Variants in PAPOLA observed in about 807,000 individuals in gnomAD.
The protein encoded by PAPOLA is poly(A) polymerase alpha.
In PAPOLA, 15 loss-of-function variants were observed where a neutral mutation model predicts 100.6. That is an observed-to-expected ratio of 0.15 (90% CI 0.10 to 0.23). The LOEUF is 0.23. PAPOLA is among the 10% of genes least tolerant of loss of function. PAPOLA has a pLI of 1.00. For synonymous variants in PAPOLA, 293 were observed against 300.0 expected (o/e 0.98, Z 0.24); for missense variants, 533 against 884.2 (o/e 0.60, Z 5.04).
chr14:96,559,582 T>TAG (rs35903650), intron 19 of PAPOLA, among the ~76,000 whole-genome samples: 2 of 47,614 alleles, frequency 4.2e-5, no homozygotes, highest in Non-Finnish European at 8.7e-5. Context: ...TCTCTCTCTC[T>TAG]ATATATATAT....
intron 3 of PAPOLA, among the ~76,000 whole-genome samples, chr14:96,522,975 T>C (rs1253519920): frequency 6.6e-6 from 1 of 152,170 alleles, no homozygotes; most frequent in Middle Eastern, 3.2e-3. Context: ...TTAAAAGTTG[T>C]AGTCTTTTGG....
intron 20 of PAPOLA, among the ~76,000 whole-genome samples, chr14:96,561,303 C>T (rs1271274316): frequency 6.6e-6 from 1 of 151,902 alleles, no homozygotes; most frequent in African/African-American, 2.4e-5. Flanking sequence ...CTATTGAAGG[C>T]TTTTAACTTT....
chr14:96,507,523 C>T (rs940120205), intron 1 of PAPOLA, among the ~76,000 whole-genome samples: 5 of 152,030 alleles, frequency 3.3e-5, no homozygotes, highest in African/African-American at 1.2e-4. Flanking sequence ...GATCCGCCTG[C>T]CTCGGCCTCC....
At chr14:96,538,016 A>G (rs1899679436) in intron 12 of PAPOLA, 1 of 152,048 alleles carries the variant, frequency 6.6e-6, no homozygotes, top group African/African-American at 2.4e-5. Flanking sequence ...TAGCATAATC[A>G]TTAAATACTC....
At chr14:96,523,600 G>T (rs971136080) in intron 3 of PAPOLA, among the ~76,000 whole-genome samples, 1 of 152,128 alleles carries the variant, frequency 6.6e-6, no homozygotes, top group Non-Finnish European at 1.5e-5. Flanking sequence ...TGCCATTGAG[G>T]TTTTAAAATA....
chr14:96,536,520 G>T (rs551571818), intron 11 of PAPOLA, among the ~76,000 whole-genome samples: 4 of 152,162 alleles, frequency 2.6e-5, no homozygotes, highest in African/African-American at 9.6e-5. Flanking sequence ...AGAATCAGTT[G>T]TCTGACTACT....
At chr14:96,533,303 A>C in intron 9 of PAPOLA, 2 of 984,504 alleles carry the variant, frequency 2.0e-6, no homozygotes, top group Non-Finnish European at 1.2e-6. Context: ...TTTTTAATCA[A>C]ATTAAGATAA....
Position 96,520,065 on chromosome 14 carries a change from A to T in PAPOLA, c.19A>T (p.Thr7Ser), listed in dbSNP as rs1188911991. Residue 7 changes from threonine to serine, a missense_variant, in exon 2 of 22, where the codon ACA becomes TCA. Transcript: ENST00000216277. ...CAATTTTGTTTATAGTCCAGTTACAACACAGGGATCACAACAAACACAACC... is the reference window on the plus strand; with the variant it reads ...CAATTTTGTTTATAGTCCAGTTACATCACAGGGATCACAACAAACACAACC... The part of the protein sequence containing the change: MPFPVT[T>S]QGSQQTQPPQ... 6.2e-7 allele frequency: 1 copy of T among 1,609,716 alleles called. No homozygotes were observed. Among genetic ancestry groups the T allele is most frequent in the South Asian group, 1.1e-5 (1 of 89,712 alleles).
intron 3 of PAPOLA, among the ~76,000 whole-genome samples, chr14:96,522,169 T>C (rs140073469): frequency 7.2e-6 from 1 of 139,198 alleles, no homozygotes; most frequent in African/African-American, 2.8e-5. Context: ...TTGCCCAGGC[T>C]GAAGTACAGT....
intron 7 of PAPOLA, 25 bp from the exon 8 acceptor site, chr14:96,532,303 TGTG>T (rs751129740): frequency 6.4e-6 from 10 of 1,566,236 alleles, no homozygotes; most frequent in African/African-American, 5.5e-5. Flanking sequence ...TGTGTGTGTG[TGTG>T]TTTTTTTTTA....
intron 10 of PAPOLA, 185 bp downstream of exon 10, chr14:96,534,748 T>C (rs1249603044): frequency 2.2e-5 from 31 of 1,407,022 alleles, no homozygotes; most frequent in Non-Finnish European, 2.9e-5. Context: ...AGCATAATTA[T>C]GTACCCTGTA....
At chr14:96,528,737 G>A (rs1460933621) in intron 6 of PAPOLA, among the ~76,000 whole-genome samples, 1 of 152,214 alleles carries the variant, frequency 6.6e-6, no homozygotes, top group Admixed American at 6.5e-5. Context: ...AAATAAAAAA[G>A]ATAATTCACT....
intron 10 of PAPOLA, 110 bp downstream of exon 10, chr14:96,534,673 T>G: frequency 1.3e-6 from 2 of 1,565,188 alleles, no homozygotes; most frequent in Non-Finnish European, 1.7e-6. Flanking sequence ...AATGGTCATG[T>G]CCGTATTACA....
At chr14:96,507,799 T>G (rs933099959) in intron 1 of PAPOLA, among the ~76,000 whole-genome samples, 2 of 152,176 alleles carry the variant, frequency 1.3e-5, no homozygotes, top group South Asian at 4.1e-4. Flanking sequence ...AAATCCTGCT[T>G]GAGAACAGCT....
intron 3 of PAPOLA, among the ~76,000 whole-genome samples, chr14:96,521,714 A>C (rs1386216352): frequency 6.6e-6 from 1 of 152,160 alleles, no homozygotes; most frequent in South Asian, 2.1e-4. Flanking sequence ...CCTAGCCTCA[A>C]GCAGTCCTCT....
chr14:96,532,998 A>G, intron 9 of PAPOLA: 2 of 997,512 alleles, frequency 2.0e-6, no homozygotes, highest in Non-Finnish European at 2.4e-6. Flanking sequence ...CACTCTTTTA[A>G]TTCTCTATCT....
chr14:96,525,424 C>G (rs1898376706), intron 4 of PAPOLA, 33 bp downstream of exon 4: 1 of 856,506 alleles, frequency 1.2e-6, no homozygotes, highest in African/African-American at 1.7e-5. Context: ...TAGAAAGGGA[C>G]CCTTTAGTTC....
At chr14:96,530,367 T>C (rs182599308) in intron 6 of PAPOLA, among the ~76,000 whole-genome samples, 4 of 152,122 alleles carry the variant, frequency 2.6e-5, no homozygotes, top group East Asian at 3.9e-4. Flanking sequence ...TTTAAAAATA[T>C]TGCCATGTTT....
At chr14:96,532,252 T>C in intron 7 of PAPOLA, 79 bp from the exon 8 acceptor site, 1 of 1,479,982 alleles carries the variant, frequency 6.8e-7, no homozygotes, top group Non-Finnish European at 8.9e-7. Flanking sequence ...CTTTTGATGA[T>C]TTAATGTTGT....
Sources: gnomAD v4.1 joint callset for allele counts (sites outside exome capture counted in the v4.1 genomes callset) on GRCh38, gnomAD v4.1.1 for gene constraint, MANE v1.5 for transcripts, NCBI Gene and HGNC (gene_info 2026-07-23, HGNC 2026-07-21) for gene names.